The following LRRC8D variants were observed in gnomAD, a reference collection of about 807,000 sequenced individuals.
LRRC8D encodes volume-regulated anion channel subunit LRRC8D.
Under a neutral mutation model 55.8 loss-of-function variants are expected in LRRC8D, and 20 were observed. That is an observed-to-expected ratio of 0.36 (90% CI 0.25 to 0.52). The LOEUF is 0.52. Among genes scored for constraint, LRRC8D ranks in the 20% least tolerant of loss-of-function variants. The probability of loss-of-function intolerance (pLI) is 0.93; values close to 1 mark genes in which losing one functional copy is unlikely to be tolerated. For synonymous variants in LRRC8D, 352 were observed against 377.0 expected, an observed-to-expected ratio of 0.93 and a Z score of 0.77; for missense variants, 651 against 1,030.8, an observed-to-expected ratio of 0.63 and a Z score of 5.05.
Position 89,933,769 on chromosome 1 carries a change from T to A in LRRC8D, c.701T>A (p.Leu234Gln). ...NKQRITGAQT[L>Q]PKHVSTSSDE... is the part of the protein sequence containing the mutation. ...CAGAGAATAACAGGTGCCCAGACTCTACCAAAGCATGTTTCTACCAGCAGT... is the reference window on the plus strand; with the variant it reads ...CAGAGAATAACAGGTGCCCAGACTCAACCAAAGCATGTTTCTACCAGCAGT... Residue 234 changes from leucine to glutamine, a missense_variant, in exon 3 of 3, where the codon CTA (leucine) becomes CAA (glutamine). Coordinates refer to ENST00000337338, the MANE Select transcript of LRRC8D (RefSeq NM_001134479.2). This position sits in a 1 kb window ranked among gnomAD's most constrained non-coding sequence, Gnocchi z 7.0. The A allele has an allele frequency of 6.2e-7, 1 of 1,614,126 alleles. No homozygotes were observed.
At chr1:89,892,102 C>T (rs796444572) in intron 2 of LRRC8D, among the ~76,000 whole-genome samples, 5 of 152,324 alleles carry the variant, frequency 3.3e-5, no homozygotes, top group African/African-American at 1.2e-4. Context: ...GTTTCACATT[C>T]TGATAATTGT....
chr1:89,925,113 T>C (rs1663524581), intron 2 of LRRC8D, among the ~76,000 whole-genome samples: 1 of 152,182 alleles, frequency 6.6e-6, no homozygotes, highest in African/African-American at 2.4e-5. Flanking sequence ...CACTCCCCAT[T>C]GTTGACATTA....
rs1181859656 is a variant in LRRC8D at position 89,860,756 on chromosome 1, C to CAAAAAAAAAA, written c.-3+16995_-3+17004dup. ...CTGGCAACAGAGCAAGACTCTATCT[C>CAAAAAAAAAA]AAAAAAAAAAAAAAAAAAAAAAAAA... On this transcript the variant is annotated intron_variant, in intron 2 of 2. Coordinates refer to ENST00000337338, the MANE Select transcript of LRRC8D (RefSeq NM_001134479.2). Among the ~76,000 whole-genome samples the CAAAAAAAAAA allele has an allele frequency of 1.1e-4, 2 of 18,844 alleles. 1 individual carries two copies. Among genetic ancestry groups the CAAAAAAAAAA allele is most frequent in the Admixed American group, 2.3e-3 (2 of 860 alleles). The allele number at this position is 18,844 out of a possible 152,430, so 12.4% of individuals were successfully genotyped here. A position where few individuals can be genotyped will look rare whatever the true frequency, so the allele number is the denominator to read the frequency against.
At chr1:89,834,042 A>G (rs1660946533) in intron 1 of LRRC8D, among the ~76,000 whole-genome samples, 1 of 152,236 alleles carries the variant, frequency 6.6e-6, no homozygotes, top group African/African-American at 2.4e-5. Context: ...CAAACAGCCA[A>G]GCTAGAGTAG....
chr1:89,829,419 T>C (rs1452502291), intron 1 of LRRC8D, among the ~76,000 whole-genome samples: 2 of 152,244 alleles, frequency 1.3e-5, no homozygotes, highest in Admixed American at 6.5e-5. Flanking sequence ...TGCAACAACG[T>C]CACATAGAAG....
chr1:89,825,849 A>C (rs1660748769), intron 1 of LRRC8D, among the ~76,000 whole-genome samples: 2 of 152,186 alleles, frequency 1.3e-5, no homozygotes, highest in African/African-American at 2.4e-5. Context: ...AGATTTAATA[A>C]ATTACTTGAT....
At chr1:89,848,547 G>C (rs1661334647) in intron 2 of LRRC8D, among the ~76,000 whole-genome samples, 1 of 151,932 alleles carries the variant, frequency 6.6e-6, no homozygotes, top group Non-Finnish European at 1.5e-5. Context: ...AAATCTAATA[G>C]GGTTATTTCA....
intron 2 of LRRC8D, among the ~76,000 whole-genome samples, chr1:89,854,323 G>A (rs1353173823): frequency 6.6e-6 from 1 of 152,206 alleles, no homozygotes; most frequent in Non-Finnish European, 1.5e-5. Flanking sequence ...AGTGATAGCT[G>A]TGTGTCATTG....
At chr1:89,925,335 G>A (rs1663531739) in intron 2 of LRRC8D, among the ~76,000 whole-genome samples, 1 of 152,064 alleles carries the variant, frequency 6.6e-6, no homozygotes, top group Non-Finnish European at 1.5e-5. Flanking sequence ...TCCACATTAT[G>A]GTGAGTTGTA....
chr1:89,890,135 C>G (rs987581456), intron 2 of LRRC8D, among the ~76,000 whole-genome samples: 9 of 152,162 alleles, frequency 5.9e-5, no homozygotes, highest in Non-Finnish European at 1.2e-4. Flanking sequence ...TGGCAGTGAG[C>G]CAAGATCACG....
chr1:89,874,129 G>A lies in LRRC8D; in HGVS notation c.-3+30347G>A, dbSNP rs190231081. ...TTTGTGAGGCACTTAACGATTAAAG[G>A]GTTTGTAGGTACTTTGTTTAATGAA... On this transcript the variant is annotated intron_variant, in intron 2 of 2. Transcript: ENST00000337338. Among the ~76,000 whole-genome samples, 15 of 152,302 alleles carry A rather than the reference G, an allele frequency of 9.8e-5. No individual in the cohort carries two copies. In the East Asian group the frequency reaches 2.7e-3, roughly 27 times the overall value.
At chr1:89,886,644 C>T (rs1662427238) in intron 2 of LRRC8D, among the ~76,000 whole-genome samples, 1 of 152,036 alleles carries the variant, frequency 6.6e-6, no homozygotes, top group Admixed American at 6.6e-5. Flanking sequence ...GTATTCGCAG[C>T]CCATAAGTTG....
intron 2 of LRRC8D, among the ~76,000 whole-genome samples, chr1:89,892,599 A>G (rs1352399776): frequency 6.6e-6 from 1 of 152,066 alleles, no homozygotes; most frequent in African/African-American, 2.4e-5. Flanking sequence ...GCTCACTGCA[A>G]GCTCCGCCTC....
At chr1:89,855,997 T>G (rs1202595312) in intron 2 of LRRC8D, among the ~76,000 whole-genome samples, 1 of 152,088 alleles carries the variant, frequency 6.6e-6, no homozygotes, top group Non-Finnish European at 1.5e-5. Flanking sequence ...CATCAAGATA[T>G]GTATGTATAA....
intron 2 of LRRC8D, among the ~76,000 whole-genome samples, chr1:89,923,317 AAT>A (rs969655511): frequency 2.4e-4 from 36 of 152,204 alleles, no homozygotes; most frequent in African/African-American, 8.2e-4. Flanking sequence ...ATACTTACTA[AAT>A]ATATGTTTTT....
At chr1:89,929,129 G>A (rs1570897911) in intron 2 of LRRC8D, among the ~76,000 whole-genome samples, 1 of 152,220 alleles carries the variant, frequency 6.6e-6, no homozygotes, top group Non-Finnish European at 1.5e-5. Flanking sequence ...CATTGAATTG[G>A]TAATCCAATG....
rs576844243 is a variant in LRRC8D, at chr1:89,864,210, C to T, written c.-3+20428C>T. Reference sequence around the variant, plus strand: ...AACATAGACTTGTTTTGAATATTGCCGCCTCTGGGTGTGAGTGATTATGCA... The same window carrying T: ...AACATAGACTTGTTTTGAATATTGCTGCCTCTGGGTGTGAGTGATTATGCA... On this transcript the variant is annotated intron_variant, in intron 2 of 2. Coordinates refer to ENST00000337338, the MANE Select transcript of LRRC8D (RefSeq NM_001134479.2). 6.6e-5 allele frequency among the ~76,000 whole-genome samples: 10 copies of T among 152,254 alleles called. No homozygotes were observed. In the South Asian group the frequency reaches 1.7e-3, roughly 25 times the overall value.
At chr1:89,862,910 G>GAGAT (rs1460605533) in intron 2 of LRRC8D, among the ~76,000 whole-genome samples, 1 of 152,218 alleles carries the variant, frequency 6.6e-6, no homozygotes, top group African/African-American at 2.4e-5. Flanking sequence ...TTTCATGGAT[G>GAGAT]AGATATTCAA....
intron 2 of LRRC8D, among the ~76,000 whole-genome samples, chr1:89,848,980 G>A (rs1661346899): frequency 6.6e-6 from 1 of 152,156 alleles, no homozygotes; most frequent in Non-Finnish European, 1.5e-5. Flanking sequence ...TTACACGCAT[G>A]AGCCACCGTA....
Sources: allele counts gnomAD v4.1 joint callset (sites outside exome capture counted in the v4.1 genomes callset), GRCh38; gene constraint gnomAD v4.1.1; non-coding constraint Gnocchi (gnomAD v3.1); transcripts MANE v1.5; gene names NCBI Gene and HGNC (gene_info 2026-07-23, HGNC 2026-07-21).